The following CECR2 variants were observed in gnomAD, a reference collection of about 807,000 sequenced individuals.
CECR2 encodes CECR2 histone acetyl-lysine reader.
Under a neutral mutation model 154.5 loss-of-function variants are expected in CECR2, and 30 were observed. That is an observed-to-expected ratio of 0.19 (90% CI 0.15 to 0.26). CECR2 has a LOEUF of 0.26. CECR2 is among the 10% of genes least tolerant of loss of function. The pLI is 1.00. For synonymous variants in CECR2, 725 were observed against 683.7 expected (o/e 1.06, Z -0.94); for missense variants, 1,743 against 1,829.3 (o/e 0.95, Z 0.86).
chr22:17,488,479 A>C (rs192619672), intron 2 of CECR2, among the ~76,000 whole-genome samples: 34 of 152,350 alleles, frequency 2.2e-4, no homozygotes, highest in Non-Finnish European at 3.4e-4. Context: ...TACACCTGGC[A>C]ACCACTGACG....
In CECR2 at chr22:17,549,438, C is replaced by G. The variant is rs896963419; in HGVS notation, c.4151C>G (p.Ser1384Cys). 2 of 1,613,024 alleles carry G rather than the reference C, an allele frequency of 1.2e-6. No individual in the cohort carries two copies. Among genetic ancestry groups the G allele is most frequent in the African/African-American group, 2.7e-5 (2 of 75,018 alleles). The change falls in exon 17 of 19, where the codon TCT (serine) becomes TGT (cysteine). Residue 1384 changes from serine (S) to cysteine (C), a missense_variant. This residue lies in a region of CECR2 where 1,250 missense variants were observed against 1,192.1 expected (regional missense o/e 1.05). Transcript: ENST00000262608. ...HPGATQPNGL[S>C]QEGPIYRCQE... ...GGGGCCACCCAGCCCAACGGCCTCT[C>G]TCAGGAGGGTCCCATCTATCGCTGC...
chr22:17,430,130 T>C (rs1601344103), intron 1 of CECR2, among the ~76,000 whole-genome samples: 2 of 152,228 alleles, frequency 1.3e-5, no homozygotes, highest in East Asian at 3.8e-4. Flanking sequence ...ATTCACATCA[T>C]CCTGTATTCA....
At chr22:17,376,122 C>A (rs1427262177) in intron 1 of CECR2, among the ~76,000 whole-genome samples, 1 of 152,104 alleles carries the variant, frequency 6.6e-6, no homozygotes, top group East Asian at 1.9e-4. Flanking sequence ...AGGCTAAGAT[C>A]CTGAAAGGGG....
intron 1 of CECR2, among the ~76,000 whole-genome samples, chr22:17,390,346 G>C (rs1447995531): frequency 6.6e-6 from 1 of 152,198 alleles, no homozygotes; most frequent in Non-Finnish European, 1.5e-5. Flanking sequence ...AGTATCAGCA[G>C]TTACATCACT....
At chr22:17,434,910 A>G (rs1244105593) in intron 1 of CECR2, among the ~76,000 whole-genome samples, 2 of 152,164 alleles carry the variant, frequency 1.3e-5, no homozygotes, top group African/African-American at 4.8e-5. Context: ...TGATGGAAAG[A>G]AAGGAAGGAA....
chr22:17,422,603 ATTTCTTCTCTTCC>A (rs1335505315), intron 1 of CECR2, among the ~76,000 whole-genome samples: 1 of 150,818 alleles, frequency 6.6e-6, no homozygotes, highest in African/African-American at 2.4e-5. Flanking sequence ...TGTTTTAAAT[ATTTCTTCTCTTCC>A]TTTCTTCTCC....
At chr22:17,442,755 G>C (rs1222259091) in intron 1 of CECR2, among the ~76,000 whole-genome samples, 1 of 151,934 alleles carries the variant, frequency 6.6e-6, no homozygotes, top group East Asian at 1.9e-4. Flanking sequence ...CACCATCTTG[G>C]CCAGGCTGGT....
rs372415398 is a variant in CECR2, at chr22:17,503,145, C to G, written c.700+14C>G. 50 of 1,606,618 alleles carry G rather than the reference C, an allele frequency of 3.1e-5. No homozygotes were observed. The highest frequency in any genetic ancestry group is 1.6e-4 in the Middle Eastern group (1 of 6,068). On this transcript the variant is annotated intron_variant, in intron 6 of 18. Transcript: ENST00000262608. ...AGACAAGACATGGTAATGTTCTTTA[C>G]TGGCATTTAGAAAGAATTAAATAAA...
intron 1 of CECR2, among the ~76,000 whole-genome samples, chr22:17,392,286 G>T (rs1007505068): frequency 6.6e-6 from 1 of 151,894 alleles, no homozygotes; most frequent in African/African-American, 2.4e-5. Context: ...TTGGCCAGGC[G>T]CAGTGGCCAG....
chr22:17,376,598 G>A (rs533469589), intron 1 of CECR2, among the ~76,000 whole-genome samples: 27 of 152,058 alleles, frequency 1.8e-4, no homozygotes, highest in Admixed American at 5.2e-4. Context: ...CTAAGTACAT[G>A]GTCTTAGATG....
intron 1 of CECR2, among the ~76,000 whole-genome samples, chr22:17,472,672 T>C (rs916579797): frequency 6.6e-6 from 1 of 152,206 alleles, no homozygotes; most frequent in African/African-American, 2.4e-5. Flanking sequence ...TAATCAGAAG[T>C]TGAAGAAAAG....
rs1267938129 is a variant in CECR2, at chr22:17,555,824, G to A, written c.*2984G>A. The A allele has an allele frequency of 6.6e-6, 1 of 152,060 alleles. No individual in the cohort carries two copies. The highest frequency in any genetic ancestry group is 1.5e-5 in the Non-Finnish European group (1 of 68,004). The allele number at this position is 152,060 out of a possible 1,614,324, so 9.4% of individuals were successfully genotyped here. On this transcript the variant is annotated 3_prime_UTR_variant, in exon 19 of 19. Transcript: ENST00000262608. Reference sequence around the variant, plus strand: ...CTCTCAGTGGTCCCCAGGAGGATGGGGATAGCTGAGATCGTGGAGAATGGG... The same window carrying A: ...CTCTCAGTGGTCCCCAGGAGGATGGAGATAGCTGAGATCGTGGAGAATGGG...
At position 17,505,002 on chromosome 22, in the gene CECR2, A is replaced by G. The variant is rs1279236600; in HGVS notation, c.856A>G (p.Met286Val). Residue 286 changes from methionine (M) to valine (V), a missense_variant, in exon 7 of 19, where the codon ATG (methionine) becomes GTG (valine). Met to Val is a conservative substitution (Grantham distance 21, BLOSUM62 1). This residue lies in a region of CECR2 where 292 missense variants were observed against 301.2 expected (regional missense o/e 0.97). Coordinates refer to ENST00000262608, the MANE Select transcript of CECR2 (RefSeq NM_001290047.2). ...SEDFLPEICN[M>V]IAQKGKRPQR... ...GGACTTCCTGCCTGAGATCTGCAAC[A>G]TGATCGCCCAGAAGGTGCGCCACAC... 6.2e-7 allele frequency: 1 copy of G among 1,613,424 alleles called. No individual in the cohort carries two copies. Among genetic ancestry groups the G allele is most frequent in the East Asian group, 2.2e-5 (1 of 44,846 alleles).
At chr22:17,419,546 A>C in intron 1 of CECR2, 1 of 196,420 alleles carries the variant, frequency 5.1e-6, no homozygotes. Context: ...AGGAAGAGGA[A>C]GAGGAGGAGG....
chr22:17,440,956 AGGGGCAG>A (rs996139148), intron 1 of CECR2, among the ~76,000 whole-genome samples: 21 of 29,542 alleles, frequency 7.1e-4, no homozygotes, highest in Middle Eastern at 0.016. Flanking sequence ...TTTGGGGGGG[AGGGGCAG>A]GGGGCAGGGG....
At chr22:17,434,192 T>G (rs2054468983) in intron 1 of CECR2, among the ~76,000 whole-genome samples, 1 of 152,100 alleles carries the variant, frequency 6.6e-6, no homozygotes, top group African/African-American at 2.4e-5. Flanking sequence ...GAATGAACAG[T>G]TAAAGCATGG....
intron 1 of CECR2, among the ~76,000 whole-genome samples, chr22:17,384,047 A>C (rs2063232159): frequency 6.6e-6 from 1 of 151,418 alleles, no homozygotes; most frequent in Non-Finnish European, 1.5e-5. Context: ...GAAGTCTTGA[A>C]CCCCTCAAAG....
intron 1 of CECR2, among the ~76,000 whole-genome samples, chr22:17,425,974 A>G (rs1290725059): frequency 6.6e-6 from 1 of 152,222 alleles, no homozygotes; most frequent in Non-Finnish European, 1.5e-5. Flanking sequence ...GCTGAGATAC[A>G]GAGGAATTTC....
At chr22:17,486,499 G>A (rs882614) in intron 2 of CECR2, among the ~76,000 whole-genome samples, 98,415 of 152,086 alleles carry the variant, frequency 0.65, 32,232 homozygotes, top group African/African-American at 0.74. Flanking sequence ...CACACTCTGG[G>A]GACGCCCCTT....
Sources: gnomAD v4.1 joint callset for allele counts (sites outside exome capture counted in the v4.1 genomes callset) on GRCh38, gnomAD v4.1.1 for gene constraint, gnomAD v4.1.1 regional missense constraint, MANE v1.5 for transcripts, NCBI Gene and HGNC (gene_info 2026-07-23, HGNC 2026-07-21) for gene names.